BANP: variants seen among roughly 807,000 people sequenced by gnomAD.
BANP encodes BTG3 associated nuclear protein, also known as protein BANP.
A neutral mutation model predicts 68.1 loss-of-function variants in BANP; 11 were observed. The observed-to-expected ratio is 0.16, with a 90% CI of 0.10 to 0.27. BANP has a LOEUF of 0.27. Ranked by LOEUF, BANP falls within the 10% of genes least tolerant of loss-of-function variation. The probability of loss-of-function intolerance (pLI) is 1.00; values close to 1 mark genes in which losing one functional copy is unlikely to be tolerated. For missense variants in BANP, 504 were observed against 722.7 expected (o/e 0.70, Z 3.47); for synonymous variants, 329 against 303.2 (o/e 1.09, Z -0.88).
chr16:87,988,960 A>G (rs1325099802), intron 4 of BANP, among the ~76,000 whole-genome samples: 1 of 152,182 alleles, frequency 6.6e-6, no homozygotes. Flanking sequence ...GGTCTGTACT[A>G]TCAGTGCTGA....
chr16:87,965,556 C>T (rs1192832974), intron 1 of BANP, among the ~76,000 whole-genome samples: 1 of 146,580 alleles, frequency 6.8e-6, no homozygotes, highest in Non-Finnish European at 1.5e-5. Flanking sequence ...CAGGATCACC[C>T]ACTAAGCCCG....
chr16:88,052,861 C>G (rs1240872306), intron 11 of BANP, among the ~76,000 whole-genome samples: 2 of 151,154 alleles, frequency 1.3e-5, no homozygotes, highest in Non-Finnish European at 2.9e-5. Flanking sequence ...CACAACCACC[C>G]TAACAATCAC....
intron 1 of BANP, among the ~76,000 whole-genome samples, chr16:87,968,000 C>T (rs747559828): frequency 3.4e-5 from 5 of 147,912 alleles, no homozygotes; most frequent in African/African-American, 7.4e-5. Context: ...GTGATCCACC[C>T]GCCTTGGCCT....
chr16:87,972,530 G>A (rs965905789), intron 1 of BANP, among the ~76,000 whole-genome samples: 3 of 152,028 alleles, frequency 2.0e-5, no homozygotes, highest in Admixed American at 2.0e-4. Flanking sequence ...AGAAATACAT[G>A]ATTTTTGCAT....
chr16:88,015,099 CCG>C (rs2074197005), intron 6 of BANP, among the ~76,000 whole-genome samples: 2 of 87,204 alleles, frequency 2.3e-5, no homozygotes, highest in African/African-American at 9.5e-5. Flanking sequence ...TCCCCTCTGC[CCG>C]TCCCTCTGCC....
chr16:88,069,582 G>A (rs922703237), intron 12 of BANP, among the ~76,000 whole-genome samples: 1 of 152,088 alleles, frequency 6.6e-6, no homozygotes, highest in African/African-American at 2.4e-5. Flanking sequence ...CTGTATGGAC[G>A]CTGCCCCCAC....
rs2069938763 is a variant in BANP, at chr16:88,003,151, T to C, written c.363-1144T>C. ...CTTTCCATACCTGACCTATAGGTCA[T>C]TTGTCAGGTTTTGCTGTGTTAACGT... is the stretch of plus-strand genomic sequence containing the variant. On this transcript the variant is annotated intron_variant, in intron 4 of 13. Coordinates refer to ENST00000682872, the MANE Select transcript of BANP (RefSeq NM_001386991.1). This position sits in a 1 kb window ranked among gnomAD's most constrained non-coding sequence, Gnocchi z 6.1. Among the ~76,000 whole-genome samples, 1 of 152,196 alleles carries C rather than the reference T, an allele frequency of 6.6e-6. No homozygotes were observed. Among genetic ancestry groups the C allele is most frequent in the African/African-American group, 2.4e-5 (1 of 41,442 alleles).
intron 7 of BANP, among the ~76,000 whole-genome samples, chr16:88,022,194 T>C: frequency 6.6e-6 from 1 of 152,358 alleles, no homozygotes; most frequent in South Asian, 2.1e-4. Flanking sequence ...GTTTTCTCTA[T>C]GAAGAGAAAT....
intron 11 of BANP, among the ~76,000 whole-genome samples, chr16:88,038,715 T>C (rs988330811): frequency 2.6e-5 from 4 of 152,036 alleles, no homozygotes; most frequent in African/African-American, 7.3e-5. Context: ...GGGGAGGGTG[T>C]TGCTGTGCAG....
rs773686376 is a variant in BANP at position 88,071,463 on chromosome 16, A to G, written c.1378-606A>G. On this transcript the variant is annotated intron_variant, in intron 12 of 13. Transcript: ENST00000682872. This position sits in a 1 kb window ranked among gnomAD's most constrained non-coding sequence, Gnocchi z 6.5. ...CTCATTCCATACTCTGGGAGGCGGTACAAGGTCGGGAGGGCCAGCGGGGCT... is the reference window on the plus strand; with the variant it reads ...CTCATTCCATACTCTGGGAGGCGGTGCAAGGTCGGGAGGGCCAGCGGGGCT... The G allele has an allele frequency of 6.6e-6, 3 of 456,296 alleles. No individual in the cohort carries two copies. The highest frequency in any genetic ancestry group is 2.3e-5 in the Admixed American group (1 of 42,570). 28.3% of individuals were successfully genotyped at this position (456,296 alleles called of 1,614,324 possible). A position where few individuals can be genotyped will look rare whatever the true frequency, so the allele number is the denominator to read the frequency against.
At chr16:88,037,939 A>G (rs776643413) in intron 10 of BANP, 34 bp from the exon 11 acceptor site, 3 of 1,607,206 alleles carry the variant, frequency 1.9e-6, no homozygotes, top group Non-Finnish European at 8.5e-7. Context: ...GTGTGTTTCT[A>G]CTCATGACCG....
rs915920247 is a variant in BANP at position 87,961,222 on chromosome 16, G to A, written c.-69+9707G>A. 2.6e-5 allele frequency among the ~76,000 whole-genome samples: 4 copies of A among 152,364 alleles called. 1 individual carries two copies. The highest frequency in any genetic ancestry group is 6.8e-3 in the Middle Eastern group (2 of 294). On this transcript the variant is annotated intron_variant, in intron 1 of 13. Coordinates refer to ENST00000682872, the MANE Select transcript of BANP (RefSeq NM_001386991.1). ...AGGAAAAATAAAACACACTTGTTGC[G>A]TGTTGGTGTGGTGTCAAAGAGGAAT...
rs910511274 is a variant in BANP, at chr16:87,974,356, T to C, written c.-68-692T>C. 4.9e-4 allele frequency among the ~76,000 whole-genome samples: 74 copies of C among 152,158 alleles called. 1 individual carries two copies. Among genetic ancestry groups the C allele is most frequent in the Non-Finnish European group, 1.3e-4 (9 of 68,016 alleles). Reference sequence around the variant, plus strand: ...GCCCCTGACTGTGTTTCAGACACTGTGCGAGGCTCGGGGACAGCCCCGCCC... The same window carrying C: ...GCCCCTGACTGTGTTTCAGACACTGCGCGAGGCTCGGGGACAGCCCCGCCC... On this transcript the variant is annotated intron_variant, in intron 1 of 13. Transcript: ENST00000682872.
intron 12 of BANP, among the ~76,000 whole-genome samples, chr16:88,066,915 G>T (rs2088801283): frequency 6.6e-6 from 1 of 152,222 alleles, no homozygotes; most frequent in Admixed American, 6.5e-5. Context: ...TGCGAGGCTG[G>T]GTGACTCTGC....
chr16:87,989,444 T>C (rs562053516), intron 4 of BANP, among the ~76,000 whole-genome samples: 2 of 152,364 alleles, frequency 1.3e-5, no homozygotes, highest in Non-Finnish European at 2.9e-5. Flanking sequence ...CACGTTTATA[T>C]AGGTAAATGT....
At chr16:88,015,311 C>T (rs1236704072) in intron 6 of BANP, among the ~76,000 whole-genome samples, 21 of 148,368 alleles carry the variant, frequency 1.4e-4, no homozygotes, top group Non-Finnish European at 2.5e-4. Flanking sequence ...CTGCCCGTGC[C>T]CCCTCAGCTC....
chr16:88,058,897 C>T (rs941580775), intron 11 of BANP, among the ~76,000 whole-genome samples: 12 of 152,110 alleles, frequency 7.9e-5, no homozygotes, highest in African/African-American at 1.9e-4. Flanking sequence ...GTGAGATCAA[C>T]GAAAAGCCCA....
rs62049277 is a variant in BANP, at chr16:88,007,951, A to G, written c.655+1686A>G. Among the ~76,000 whole-genome samples the G allele has an allele frequency of 3.9e-3, 587 of 152,168 alleles. 3 individuals are homozygous for G. Among genetic ancestry groups the G allele is most frequent in the Non-Finnish European group, 6.5e-3 (443 of 68,006 alleles). Reference sequence around the variant, plus strand: ...GTTTTTAGTATATTCTCAAGGTTGTACAGTCATCACTTCGGACTAATTCTA... The same window carrying G: ...GTTTTTAGTATATTCTCAAGGTTGTGCAGTCATCACTTCGGACTAATTCTA... On this transcript the variant is annotated intron_variant, in intron 6 of 13. Coordinates refer to ENST00000682872, the MANE Select transcript of BANP (RefSeq NM_001386991.1).
At chr16:87,967,341 C>T (rs994681841) in intron 1 of BANP, among the ~76,000 whole-genome samples, 2 of 149,512 alleles carry the variant, frequency 1.3e-5, no homozygotes, top group African/African-American at 4.9e-5. Context: ...ACTCTGACCT[C>T]AGGTGATCCA....
Sources: allele counts gnomAD v4.1 joint callset (sites outside exome capture counted in the v4.1 genomes callset), GRCh38; gene constraint gnomAD v4.1.1; non-coding constraint Gnocchi (gnomAD v3.1); transcripts MANE v1.5; gene names NCBI Gene and HGNC (gene_info 2026-07-23, HGNC 2026-07-21).